The following FUT8 variants were observed in gnomAD, a reference collection of about 807,000 sequenced individuals.
The protein encoded by FUT8 is fucosyltransferase 8, also known as alpha-(1,6)-fucosyltransferase.
Under a neutral mutation model 71.3 loss-of-function variants are expected in FUT8, and 29 were observed. That is an observed-to-expected ratio of 0.41 (90% CI 0.30 to 0.55). The LOEUF is 0.55. Among genes scored for constraint, FUT8 ranks in the 20% least tolerant of loss-of-function variants. The pLI, the probability that FUT8 is intolerant of heterozygous loss-of-function variation, is 0.34. For synonymous variants in FUT8, 254 were observed against 239.3 expected (o/e 1.06, Z -0.57); for missense variants, 544 against 702.1 (o/e 0.77, Z 2.55).
intron 7 of FUT8, among the ~76,000 whole-genome samples, chr14:65,700,605 T>C (rs1398681021): frequency 6.6e-6 from 1 of 152,084 alleles, no homozygotes; most frequent in African/African-American, 2.4e-5. Flanking sequence ...TTCACCGTGT[T>C]ATCCAGGATG....
At chr14:65,680,014 G>A (rs182232144) in intron 7 of FUT8, among the ~76,000 whole-genome samples, 61 of 152,282 alleles carry the variant, frequency 4.0e-4, no homozygotes, top group Non-Finnish European at 7.4e-4. Context: ...TATTAGTCAG[G>A]GTTCTTCAGA....
chr14:65,729,250 T>A (rs1895840162), intron 9 of FUT8, among the ~76,000 whole-genome samples: 2 of 152,058 alleles, frequency 1.3e-5, no homozygotes, highest in South Asian at 4.1e-4. Flanking sequence ...ACTCCTGGGC[T>A]CAAGCAGTCC....
intron 5 of FUT8, among the ~76,000 whole-genome samples, chr14:65,624,532 C>T (rs1889793288): frequency 6.6e-6 from 1 of 152,202 alleles, no homozygotes; most frequent in South Asian, 2.1e-4. Flanking sequence ...TTTCAAGGCA[C>T]TCTTCTCTCT....
At chr14:65,509,682 C>A (rs1882206090) in intron 2 of FUT8, among the ~76,000 whole-genome samples, 1 of 151,948 alleles carries the variant, frequency 6.6e-6, no homozygotes, top group Non-Finnish European at 1.5e-5. Context: ...ATTTTGGTGG[C>A]TATTGTAAAT....
chr14:65,536,406 A>G (rs10146505), intron 2 of FUT8, among the ~76,000 whole-genome samples: 3,058 of 152,158 alleles, frequency 0.02, 125 homozygotes, highest in South Asian at 0.16. Flanking sequence ...TTTCCTTTCC[A>G]TATTTAGTGC....
intron 3 of FUT8, among the ~76,000 whole-genome samples, chr14:65,612,551 G>T (rs1471810390): frequency 6.6e-6 from 1 of 152,166 alleles, no homozygotes. Context: ...TGGTACCTTT[G>T]CAGATTTCTG....
the FUT8 span, among the ~76,000 whole-genome samples, chr14:65,388,718 C>T: frequency 1.1e-4 from 16 of 151,958 alleles, no homozygotes; most frequent in Non-Finnish European, 2.2e-4. Flanking sequence ...GCTGAGATCG[C>T]GCCACTGCAC....
At position 65,570,884 on chromosome 14, in the gene FUT8, C is replaced by A. The variant is rs188851387; in HGVS notation, c.203+9118C>A. Reference sequence around the variant, plus strand: ...TATGCGCCTGTAACAATAGCTGAGTCTTGCCCAATCCCAGCAGCCATATTT... The same window carrying A: ...TATGCGCCTGTAACAATAGCTGAGTATTGCCCAATCCCAGCAGCCATATTT... On this transcript the variant is annotated intron_variant, in intron 3 of 10. Transcript: ENST00000673929. 1.9e-3 allele frequency among the ~76,000 whole-genome samples: 288 copies of A among 152,222 alleles called. 1 individual carries two copies. Among genetic ancestry groups the A allele is most frequent in the Admixed American group, 5.6e-3 (85 of 15,242 alleles).
chr14:65,570,956 C>G (rs896717143), intron 3 of FUT8, among the ~76,000 whole-genome samples: 21 of 152,048 alleles, frequency 1.4e-4, no homozygotes, highest in African/African-American at 5.1e-4. Flanking sequence ...TCAAATAAGG[C>G]AAATGCTGAG....
the FUT8 span, among the ~76,000 whole-genome samples, chr14:65,370,269 A>C: frequency 7.8e-6 from 1 of 128,108 alleles, no homozygotes; most frequent in East Asian, 2.3e-4. Context: ...GTGCAGTGGC[A>C]CTATCTCCAC....
In FUT8 at chr14:65,649,922, C is replaced by A. The variant is rs570389355; in HGVS notation, c.598-19321C>A. Among the ~76,000 whole-genome samples the A allele has an allele frequency of 1.8e-3, 272 of 152,248 alleles. 1 individual carries two copies. The highest frequency in any genetic ancestry group is 6.4e-3 in the African/African-American group (264 of 41,550). On this transcript the variant is annotated intron_variant, in intron 6 of 10. Coordinates refer to ENST00000673929, the MANE Select transcript of FUT8 (RefSeq NM_001371533.1). ...TTGAGAATATATTGGGCTTAAAATA[C>A]AGTTTTAGGCTTCTATTTCTGGATA...
In FUT8 at chr14:65,732,277, G is replaced by T. The variant is rs1896016683; in HGVS notation, c.1260-954G>T. ...GGTGGCCATGAAATGAAGAGAAACT[G>T]AAACAGCTCTTAGGGGATTAGGGAA... is the stretch of plus-strand genomic sequence containing the variant. On this transcript the variant is annotated intron_variant, in intron 9 of 10. Transcript: ENST00000673929. 2.6e-5 allele frequency among the ~76,000 whole-genome samples: 4 copies of T among 152,168 alleles called. No individual in the cohort carries two copies. The South Asian group carries it at 8.3e-4, about 32-fold the overall frequency.
intron 1 of FUT8, among the ~76,000 whole-genome samples, chr14:65,418,173 G>C (rs117054971): frequency 0.017 from 2,648 of 152,220 alleles, 54 homozygotes; most frequent in Non-Finnish European, 0.02. Flanking sequence ...GTGCATAAAT[G>C]CTATAACTTT....
intron 2 of FUT8, among the ~76,000 whole-genome samples, chr14:65,552,599 G>A (rs543238953): frequency 8.3e-4 from 126 of 152,222 alleles, no homozygotes; most frequent in Admixed American, 1.9e-3. Context: ...GGATGCTTCC[G>A]AAGTGATCAT....
At chr14:65,401,045 G>A in the FUT8 span, among the ~76,000 whole-genome samples, 1 of 152,210 alleles carries the variant, frequency 6.6e-6, no homozygotes, top group Non-Finnish European at 1.5e-5. Context: ...AAGGGAGGCT[G>A]AGTCAGTTGG....
At chr14:65,408,497 A>G (rs1379508511), upstream of FUT8, among the ~76,000 whole-genome samples, 1 of 152,200 alleles carries the variant, frequency 6.6e-6, no homozygotes. Flanking sequence ...TAGGGAACCC[A>G]TTTATTGGCT....
At chr14:65,506,729 C>T (rs1238310050) in intron 2 of FUT8, among the ~76,000 whole-genome samples, 4 of 152,110 alleles carry the variant, frequency 2.6e-5, no homozygotes, top group Non-Finnish European at 5.9e-5. Flanking sequence ...AAAATCACAT[C>T]ATGGACAATG....
intron 1 of FUT8, among the ~76,000 whole-genome samples, chr14:65,445,118 A>G (rs1196100362): frequency 1.3e-5 from 2 of 152,154 alleles, no homozygotes; most frequent in Non-Finnish European, 2.9e-5. Context: ...GAGGCAGAGA[A>G]TTGCCTAAAC....
In FUT8 at chr14:65,565,979, A is replaced by T. The variant is rs367688026; in HGVS notation, c.203+4213A>T. On this transcript the variant is annotated intron_variant, in intron 3 of 10. Coordinates refer to ENST00000673929, the MANE Select transcript of FUT8 (RefSeq NM_001371533.1). ...GTATAATATAATAAAAAACAAAAAC[A>T]TGGTGGCATAAAACAATCATTTATT... 7.9e-5 allele frequency among the ~76,000 whole-genome samples: 12 copies of T among 151,944 alleles called. No homozygotes were observed. The East Asian group carries it at 1.3e-3, about 17-fold the overall frequency.
Sources: gnomAD v4.1 joint callset for allele counts (sites outside exome capture counted in the v4.1 genomes callset) on GRCh38, gnomAD v4.1.1 for gene constraint, MANE v1.5 for transcripts, NCBI Gene and HGNC (gene_info 2026-07-23, HGNC 2026-07-21) for gene names.